HCRTR2: variants seen among roughly 807,000 people sequenced by gnomAD.
HCRTR2 encodes hypocretin receptor 2.
A neutral mutation model predicts 49.0 loss-of-function variants in HCRTR2; 22 were observed. The ratio of observed to expected loss-of-function variants is 0.45; its 90% confidence interval spans 0.32 to 0.64. The LOEUF is 0.64. Among genes scored for constraint, HCRTR2 ranks in the 30% least tolerant of loss-of-function variants. The pLI, the probability that HCRTR2 is intolerant of heterozygous loss-of-function variation, is 0.04. For synonymous variants in HCRTR2, 236 were observed against 205.3 expected (o/e 1.15, Z -1.28); for missense variants, 491 against 559.4 (o/e 0.88, Z 1.23).
At chr6:55,145,120 A>C (rs1764561163) in intron 1 of HCRTR2, among the ~76,000 whole-genome samples, 1 of 150,832 alleles carries the variant, frequency 6.6e-6, no homozygotes, top group Non-Finnish European at 1.5e-5. Flanking sequence ...TTCTGTTTAA[A>C]TGTGCTCCCT....
chr6:55,283,797 A>AT (rs1287561199), downstream of HCRTR2, among the ~76,000 whole-genome samples: 2 of 152,038 alleles, frequency 1.3e-5, no homozygotes, highest in East Asian at 1.9e-4. Flanking sequence ...AATTTTTGTT[A>AT]TTTTTTCATT....
intron 1 of HCRTR2, among the ~76,000 whole-genome samples, chr6:55,163,140 G>A (rs1396064432): frequency 6.6e-6 from 1 of 152,050 alleles, no homozygotes; most frequent in Non-Finnish European, 1.5e-5. Context: ...GAGAGGCTGA[G>A]GCAGGAGAAT....
intron 1 of HCRTR2, among the ~76,000 whole-genome samples, chr6:55,214,438 C>G (rs534317403): frequency 6.6e-6 from 1 of 152,244 alleles, no homozygotes; most frequent in Admixed American, 6.5e-5. Context: ...GTCAAGTGAT[C>G]TTTCCACCTC....
chr6:55,120,166 T>A (rs12196161), intron 1 of HCRTR2, among the ~76,000 whole-genome samples: 42,796 of 152,064 alleles, frequency 0.28, 6,745 homozygotes, highest in Non-Finnish European at 0.36. Flanking sequence ...CTGTTTTTGT[T>A]ACTGTAGCCT....
intron 1 of HCRTR2, among the ~76,000 whole-genome samples, chr6:55,177,945 AG>A (rs1460003532): frequency 6.6e-6 from 1 of 152,216 alleles, no homozygotes; most frequent in Non-Finnish European, 1.5e-5. Context: ...GAAGGAGCAT[AG>A]GGTAAGGTTC....
At chr6:55,172,273 A>G (rs535712793), upstream of HCRTR2, among the ~76,000 whole-genome samples, 14 of 152,246 alleles carry the variant, frequency 9.2e-5, no homozygotes, top group Non-Finnish European at 1.9e-4. Flanking sequence ...TTGAACAATC[A>G]TTTCTAATGT....
chr6:55,215,259 A>G (rs972218139), intron 1 of HCRTR2, among the ~76,000 whole-genome samples: 1 of 152,192 alleles, frequency 6.6e-6, no homozygotes. Context: ...AACTTGCAAA[A>G]CAGAAATAAG....
At chr6:55,134,366 TATA>T (rs1348312872) in intron 1 of HCRTR2, among the ~76,000 whole-genome samples, 1 of 151,916 alleles carries the variant, frequency 6.6e-6, no homozygotes, top group Non-Finnish European at 1.5e-5. Context: ...GCAAAAAATT[TATA>T]ATATGATAAC....
rs187142325 is a variant in HCRTR2 at position 55,217,385 on chromosome 6, T to C, written c.224-31254T>C. Among the ~76,000 whole-genome samples, 8 of 152,334 alleles carry C rather than the reference T, an allele frequency of 5.3e-5. No individual in the cohort carries two copies. The East Asian group carries it at 1.4e-3, about 26-fold the overall frequency. Reference sequence around the variant, plus strand: ...CTGTGATTCCCTTTAATTATACATCTGTCTTTAAGTCATGTTTTTGCTCCT... The same window carrying C: ...CTGTGATTCCCTTTAATTATACATCCGTCTTTAAGTCATGTTTTTGCTCCT... On this transcript the variant is annotated intron_variant, in intron 1 of 6. Transcript: ENST00000370862.
intron 1 of HCRTR2, among the ~76,000 whole-genome samples, chr6:55,134,002 G>A (rs1316619789): frequency 1.3e-5 from 2 of 151,730 alleles, no homozygotes; most frequent in South Asian, 4.1e-4. Context: ...AAATGAAATT[G>A]TCCTAATGAA....
chr6:55,200,115 A>T (rs967452636), intron 1 of HCRTR2, among the ~76,000 whole-genome samples: 7 of 152,150 alleles, frequency 4.6e-5, no homozygotes, highest in Non-Finnish European at 1.0e-4. Flanking sequence ...AATCTGTATC[A>T]CTAAAACTTT....
intron 1 of HCRTR2, among the ~76,000 whole-genome samples, chr6:55,136,815 C>T (rs1435665569): frequency 6.6e-6 from 1 of 152,164 alleles, no homozygotes; most frequent in African/African-American, 2.4e-5. Flanking sequence ...CTTGCGCTTA[C>T]ATGGCCTTCT....
intron 1 of HCRTR2, among the ~76,000 whole-genome samples, chr6:55,214,512 A>AT (rs569763373): frequency 8.6e-5 from 13 of 150,822 alleles, no homozygotes; most frequent in African/African-American, 2.7e-4. Flanking sequence ...TTATTTTTTT[A>AT]TTTTTTTTCG....
chr6:55,265,419 T>C (rs1581866189), intron 4 of HCRTR2, among the ~76,000 whole-genome samples: 1 of 152,186 alleles, frequency 6.6e-6, no homozygotes. Flanking sequence ...GCTGGGGCAC[T>C]GTGCTCCATT....
chr6:55,268,831 C>A (rs1766912536), intron 4 of HCRTR2, among the ~76,000 whole-genome samples: 1 of 152,072 alleles, frequency 6.6e-6, no homozygotes, highest in Non-Finnish European at 1.5e-5. Context: ...TGGCTCACCC[C>A]TGTAATCCCA....
At chr6:55,168,476 G>C (rs1470264745) in intron 1 of HCRTR2, among the ~76,000 whole-genome samples, 1 of 152,148 alleles carries the variant, frequency 6.6e-6, no homozygotes, top group Admixed American at 6.5e-5. Flanking sequence ...TGACAACTCT[G>C]CTTAAACACT....
At chr6:55,146,440 A>G (rs1324329783) in intron 1 of HCRTR2, among the ~76,000 whole-genome samples, 2 of 152,176 alleles carry the variant, frequency 1.3e-5, no homozygotes, top group Non-Finnish European at 2.9e-5. Flanking sequence ...ATGACATTTC[A>G]AGGTCAAAAA....
intron 1 of HCRTR2, among the ~76,000 whole-genome samples, chr6:55,128,598 T>G (rs185356217): frequency 6.6e-6 from 1 of 152,368 alleles, no homozygotes; most frequent in Non-Finnish European, 1.5e-5. Context: ...CTGATTTATC[T>G]GAGCAGTGGC....
chr6:55,282,286 C>A lies in HCRTR2; in HGVS notation c.1167C>A (p.Arg389=), dbSNP rs1451670674. 3.7e-6 allele frequency: 6 copies of A among 1,613,708 alleles called. No homozygotes were observed. Among genetic ancestry groups the A allele is most frequent in the Non-Finnish European group, 5.1e-6 (6 of 1,179,932 alleles). Reference sequence around the variant, plus strand: ...GCTGTTGCCTTGGAGTTCACCATCGCCAGGAGGATCGGCTCACCAGGGGAC... The same window carrying A: ...GCTGTTGCCTTGGAGTTCACCATCGACAGGAGGATCGGCTCACCAGGGGAC... ...FSCCCLGVHH[R]QEDRLTRGRT... is the part of the protein sequence containing the mutation. The change falls in exon 7 of 7, where the codon CGC becomes CGA. Residue 389 remains arginine, a synonymous_variant. Coordinates refer to ENST00000370862, the MANE Select transcript of HCRTR2 (RefSeq NM_001384272.1).
Sources: allele counts gnomAD v4.1 joint callset (sites outside exome capture counted in the v4.1 genomes callset), GRCh38; gene constraint gnomAD v4.1.1; transcripts MANE v1.5; gene names NCBI Gene and HGNC (gene_info 2026-07-23, HGNC 2026-07-21).